ITFG1: variants seen among roughly 807,000 people sequenced by gnomAD.
ITFG1 encodes the protein T-cell immunomodulatory protein.
Under a neutral mutation model 81.8 loss-of-function variants are expected in ITFG1, and 34 were observed. That is an observed-to-expected ratio of 0.42 (90% CI 0.32 to 0.55). The LOEUF (loss-of-function observed/expected upper bound fraction) is 0.55, where lower values mean the gene tolerates loss of function less well. Ranked by LOEUF, ITFG1 falls within the 20% of genes least tolerant of loss-of-function variation. The pLI is 0.17. For synonymous variants in ITFG1, 285 were observed against 270.6 expected (o/e 1.05, Z -0.52); for missense variants, 672 against 755.4 (o/e 0.89, Z 1.29).
At chr16:47,269,186 G>T (rs999603072) in intron 10 of ITFG1, among the ~76,000 whole-genome samples, 11 of 152,014 alleles carry the variant, frequency 7.2e-5, no homozygotes, top group Non-Finnish European at 1.2e-4. Context: ...GAAAAACAAA[G>T]GACATCCGGA....
chr16:47,182,044 C>T (rs530108372), intron 14 of ITFG1, among the ~76,000 whole-genome samples: 18 of 152,202 alleles, frequency 1.2e-4, no homozygotes, highest in Admixed American at 4.6e-4. Context: ...ACAAACACTG[C>T]GGAAGGCCAC....
At chr16:47,218,969 T>C in intron 13 of ITFG1, 23 bp from the exon 14 acceptor site, 2 of 1,497,556 alleles carry the variant, frequency 1.3e-6, no homozygotes, top group Non-Finnish European at 1.8e-6. Context: ...AAAAAAATAG[T>C]TAAGGCTTGG....
intron 14 of ITFG1, among the ~76,000 whole-genome samples, chr16:47,177,747 C>T (rs1188706923): frequency 6.6e-6 from 1 of 152,082 alleles, no homozygotes; most frequent in South Asian, 2.1e-4. Context: ...CCAGGGACCA[C>T]CTTTTAAATA....
chr16:47,183,017 C>T (rs1390200634), intron 14 of ITFG1, among the ~76,000 whole-genome samples: 1 of 152,324 alleles, frequency 6.6e-6, no homozygotes, highest in East Asian at 1.9e-4. Context: ...CAGACGGCAC[C>T]TGGAAAATCG....
chr16:47,434,573 A>G (rs1360374349), intron 5 of ITFG1, among the ~76,000 whole-genome samples: 1 of 152,184 alleles, frequency 6.6e-6, no homozygotes, highest in Non-Finnish European at 1.5e-5. Context: ...GGTTGTGGAG[A>G]AAAAGGAACA....
intron 12 of ITFG1, among the ~76,000 whole-genome samples, chr16:47,242,807 C>A (rs1476610411): frequency 6.6e-6 from 1 of 152,080 alleles, no homozygotes; most frequent in African/African-American, 2.4e-5. Flanking sequence ...GAGAATTAAT[C>A]TGTGGTATTG....
chr16:47,454,601 A>T (rs1223344085), intron 2 of ITFG1, among the ~76,000 whole-genome samples: 2 of 152,202 alleles, frequency 1.3e-5, no homozygotes, highest in African/African-American at 2.4e-5. Context: ...ATAAATTCAA[A>T]ATTTACAGTA....
intron 14 of ITFG1, chr16:47,218,080 G>A (rs1965647138): frequency 6.6e-6 from 1 of 152,044 alleles, no homozygotes; most frequent in South Asian, 2.1e-4. Flanking sequence ...CTCACTCTGG[G>A]GTATATTTGA....
intron 10 of ITFG1, among the ~76,000 whole-genome samples, chr16:47,292,060 C>T (rs2151555171): frequency 6.6e-6 from 1 of 151,552 alleles, no homozygotes; most frequent in African/African-American, 2.4e-5. Flanking sequence ...TTCGTCTAGG[C>T]TGGAGTGCAG....
intron 6 of ITFG1, among the ~76,000 whole-genome samples, chr16:47,381,701 A>G (rs764696805): frequency 6.6e-6 from 1 of 152,202 alleles, no homozygotes; most frequent in Non-Finnish European, 1.5e-5. Flanking sequence ...GAATAAAAAT[A>G]TCTTTAAAAT....
chr16:47,332,482 G>C (rs1227249352), intron 8 of ITFG1, among the ~76,000 whole-genome samples: 1 of 151,954 alleles, frequency 6.6e-6, no homozygotes, highest in African/African-American at 2.4e-5. Context: ...CCTGTAACTT[G>C]GTGTTTCATT....
At chr16:47,240,564 G>C (rs1272350425) in intron 12 of ITFG1, among the ~76,000 whole-genome samples, 6 of 152,148 alleles carry the variant, frequency 3.9e-5, no homozygotes, top group African/African-American at 1.4e-4. Flanking sequence ...TTAACCATCA[G>C]AAAAATATAC....
At chr16:47,437,060 CT>C (rs747936007) in intron 5 of ITFG1, among the ~76,000 whole-genome samples, 46 of 152,056 alleles carry the variant, frequency 3.0e-4, no homozygotes, top group African/African-American at 7.7e-4. Context: ...AATATTTCTA[CT>C]TTTTTTATGC....
intron 6 of ITFG1, among the ~76,000 whole-genome samples, chr16:47,384,978 T>C (rs1968442151): frequency 6.6e-6 from 1 of 152,240 alleles, no homozygotes; most frequent in Non-Finnish European, 1.5e-5. Flanking sequence ...TATGTGGTAA[T>C]GGCTCTGCTA....
intron 8 of ITFG1, among the ~76,000 whole-genome samples, chr16:47,349,818 C>A (rs1204731953): frequency 6.6e-6 from 1 of 152,222 alleles, no homozygotes; most frequent in African/African-American, 2.4e-5. Context: ...AAGTAAAGCA[C>A]TCCTCAGCAA....
intron 5 of ITFG1, among the ~76,000 whole-genome samples, chr16:47,440,162 A>G (rs1969227076): frequency 6.6e-6 from 1 of 152,288 alleles, no homozygotes; most frequent in Admixed American, 6.5e-5. Context: ...TGCACCCAAT[A>G]CAGGAGCACC....
At chr16:47,271,612 C>A (rs780761587) in intron 10 of ITFG1, among the ~76,000 whole-genome samples, 24 of 152,224 alleles carry the variant, frequency 1.6e-4, no homozygotes, top group Non-Finnish European at 2.6e-4. Context: ...GTGATCCCAG[C>A]ACTTTGGGAG....
intron 14 of ITFG1, among the ~76,000 whole-genome samples, chr16:47,184,692 C>G (rs971187340): frequency 5.2e-4 from 79 of 152,028 alleles, no homozygotes; most frequent in African/African-American, 1.8e-3. Flanking sequence ...ATGTAAAGAC[C>G]ATCGAGACTA....
chr16:47,200,033 T>C (rs1965406687), intron 14 of ITFG1, among the ~76,000 whole-genome samples: 1 of 152,292 alleles, frequency 6.6e-6, no homozygotes, highest in African/African-American at 2.4e-5. Flanking sequence ...TAAATACAGA[T>C]GAAGCTTTGC....
Sources: allele counts gnomAD v4.1 joint callset (sites outside exome capture counted in the v4.1 genomes callset), GRCh38; gene constraint gnomAD v4.1.1; transcripts MANE v1.5; gene names NCBI Gene and HGNC (gene_info 2026-07-23, HGNC 2026-07-21).